The following TEAD1 variants were observed in gnomAD, a reference collection of about 807,000 sequenced individuals.
TEAD1 encodes transcriptional enhancer factor TEF-1.
Under a neutral mutation model 54.9 loss-of-function variants are expected in TEAD1, and 9 were observed. That is an observed-to-expected ratio of 0.16 (90% confidence interval 0.10 to 0.29). The LOEUF (loss-of-function observed/expected upper bound fraction) is 0.29, where lower values mean the gene tolerates loss of function less well. Ranked by LOEUF, TEAD1 falls within the 10% of genes least tolerant of loss-of-function variation. The pLI, the probability that TEAD1 is intolerant of heterozygous loss-of-function variation, is 1.00. For missense variants in TEAD1, 387 were observed against 535.9 expected, an observed-to-expected ratio of 0.72 and a Z score of 2.74; for synonymous variants, 200 against 187.8, an observed-to-expected ratio of 1.07 and a Z score of -0.53.
At chr11:12,711,543 G>A (rs1275620484) in intron 2 of TEAD1, among the ~76,000 whole-genome samples, 2 of 152,152 alleles carry the variant, frequency 1.3e-5, no homozygotes, top group African/African-American at 2.4e-5. Context: ...AAGGCCTGAA[G>A]ACAAGGCCAA....
chr11:12,821,865 A>C (rs892600445), intron 3 of TEAD1, among the ~76,000 whole-genome samples: 4 of 140,466 alleles, frequency 2.8e-5, no homozygotes, highest in African/African-American at 5.5e-5. Flanking sequence ...CACTTTACCT[A>C]CCTCCTCCGC....
At chr11:12,685,510 T>G (rs1262971457) in intron 2 of TEAD1, among the ~76,000 whole-genome samples, 1 of 152,222 alleles carries the variant, frequency 6.6e-6, no homozygotes, top group Admixed American at 6.5e-5. Flanking sequence ...GCACTCTGGC[T>G]GTCATGTTTT....
At chr11:12,749,932 G>A (rs1207617857) in intron 2 of TEAD1, among the ~76,000 whole-genome samples, 2 of 152,146 alleles carry the variant, frequency 1.3e-5, no homozygotes, top group South Asian at 2.1e-4. Flanking sequence ...GATGGGGTGC[G>A]GGTGGGGCTT....
At chr11:12,752,615 TC>T (rs1013716098) in intron 2 of TEAD1, among the ~76,000 whole-genome samples, 2 of 152,202 alleles carry the variant, frequency 1.3e-5, no homozygotes, top group Non-Finnish European at 2.9e-5. Flanking sequence ...TTATTTATAT[TC>T]TATTGCTGTC....
At chr11:12,782,257 T>G (rs1332021129) in intron 3 of TEAD1, among the ~76,000 whole-genome samples, 1 of 152,156 alleles carries the variant, frequency 6.6e-6, no homozygotes, top group Admixed American at 6.5e-5. Context: ...AGCTATACAA[T>G]GGAATATTAT....
intron 3 of TEAD1, among the ~76,000 whole-genome samples, chr11:12,841,050 G>A (rs1428403788): frequency 6.6e-6 from 1 of 152,214 alleles, no homozygotes; most frequent in Non-Finnish European, 1.5e-5. Flanking sequence ...AATACGCTAA[G>A]GGCAGTGCAT....
intron 2 of TEAD1, among the ~76,000 whole-genome samples, chr11:12,686,576 G>A (rs537948412): frequency 5.2e-4 from 79 of 152,138 alleles, no homozygotes; most frequent in African/African-American, 1.8e-3. Flanking sequence ...TGAAAGGTTG[G>A]TTTGTACTGT....
chr11:12,841,067 G>C (rs1438157040), intron 3 of TEAD1, among the ~76,000 whole-genome samples: 3 of 152,236 alleles, frequency 2.0e-5, no homozygotes, highest in Non-Finnish European at 4.4e-5. Flanking sequence ...GCATGTGTGA[G>C]TCATGTGGGA....
intron 9 of TEAD1, among the ~76,000 whole-genome samples, chr11:12,899,184 A>G (rs1948375146): frequency 6.6e-6 from 1 of 152,150 alleles, no homozygotes; most frequent in African/African-American, 2.4e-5. Context: ...CTCCTTGCAG[A>G]AGGCGCTAGA....
rs972057571 is a variant in TEAD1 at position 12,824,783 on chromosome 11, G to A, written c.203-37467G>A. ...GAAGGTAGAGAGGGTTGATGGGGCCGGGCTCCTGGCCTGGCAGAACCGTGC... is the reference window on the plus strand; with the variant it reads ...GAAGGTAGAGAGGGTTGATGGGGCCAGGCTCCTGGCCTGGCAGAACCGTGC... On this transcript the variant is annotated intron_variant, in intron 3 of 12. Transcript: ENST00000527636. Among the ~76,000 whole-genome samples, 3 of 152,230 alleles carry A rather than the reference G, an allele frequency of 2.0e-5. No homozygotes were observed. The East Asian group carries it at 5.8e-4, about 29-fold the overall frequency.
intron 2 of TEAD1, among the ~76,000 whole-genome samples, chr11:12,695,786 T>C (rs960076427): frequency 2.6e-5 from 4 of 152,196 alleles, no homozygotes; most frequent in African/African-American, 9.7e-5. Context: ...GGCAGATTAT[T>C]TTATTTTCTG....
chr11:12,799,508 G>A (rs1946005318), intron 3 of TEAD1, among the ~76,000 whole-genome samples: 1 of 152,200 alleles, frequency 6.6e-6, no homozygotes, highest in Admixed American at 6.5e-5. Flanking sequence ...GAGTGTGTGT[G>A]TGTCAGCGTT....
chr11:12,909,872 T>C (rs1948586827), intron 10 of TEAD1, among the ~76,000 whole-genome samples: 1 of 152,194 alleles, frequency 6.6e-6, no homozygotes. Context: ...GCATTGAAAT[T>C]GTTATTATGG....
chr11:12,722,649 CTT>C (rs5789737), intron 2 of TEAD1, among the ~76,000 whole-genome samples: 11,674 of 140,070 alleles, frequency 0.083, 1,524 homozygotes, highest in African/African-American at 0.28. Context: ...CTCTCTCTTT[CTT>C]TTTTTTTTTT....
chr11:12,830,091 G>C (rs1056680659), intron 3 of TEAD1, among the ~76,000 whole-genome samples: 1 of 152,132 alleles, frequency 6.6e-6, no homozygotes, highest in African/African-American at 2.4e-5. Context: ...CTGGGGCTGT[G>C]GGAAAGCCCC....
intron 10 of TEAD1, among the ~76,000 whole-genome samples, chr11:12,920,719 G>A (rs1252548246): frequency 6.6e-6 from 1 of 152,196 alleles, no homozygotes; most frequent in Non-Finnish European, 1.5e-5. Context: ...AGCTTACAGT[G>A]TATTCATAGC....
chr11:12,701,375 T>C (rs1943698109), intron 2 of TEAD1, among the ~76,000 whole-genome samples: 2 of 152,296 alleles, frequency 1.3e-5, no homozygotes, highest in Non-Finnish European at 2.9e-5. Context: ...GCTTTTACTT[T>C]TCCAGAACCT....
At chr11:12,736,345 A>G (rs1944530892) in intron 2 of TEAD1, among the ~76,000 whole-genome samples, 1 of 152,222 alleles carries the variant, frequency 6.6e-6, no homozygotes, top group South Asian at 2.1e-4. Flanking sequence ...ACTTCAGGAA[A>G]GATAGGTTTG....
intron 3 of TEAD1, among the ~76,000 whole-genome samples, chr11:12,781,951 CAAAAAAAAA>C (rs71454001): frequency 6.1e-5 from 4 of 65,422 alleles, no homozygotes; most frequent in East Asian, 4.5e-4. Context: ...CTCGTCTGTA[CAAAAAAAAA>C]AAAAAAAAAA....
Sources: gnomAD v4.1 joint callset for allele counts (sites outside exome capture counted in the v4.1 genomes callset) on GRCh38, gnomAD v4.1.1 for gene constraint, MANE v1.5 for transcripts, NCBI Gene and HGNC (gene_info 2026-07-23, HGNC 2026-07-21) for gene names.